PKHD1L1: variants seen among roughly 807,000 people sequenced by gnomAD.
PKHD1L1 encodes the protein fibrocystin-L.
A neutral mutation model predicts 462.9 loss-of-function variants in PKHD1L1; 434 were observed. The ratio of observed to expected loss-of-function variants is 0.94; its 90% CI spans 0.87 to 1.02. The LOEUF (loss-of-function observed/expected upper bound fraction) is 1.02. Among genes scored for constraint, PKHD1L1 ranks in the 50% least tolerant of loss-of-function variants. The pLI is 0.00. For synonymous variants in PKHD1L1, 1,781 were observed against 1,750.0 expected (o/e 1.02, Z -0.44); for missense variants, 5,202 against 5,096.1 (o/e 1.02, Z -0.63).
chr8:109,440,673 G>A (rs1815727909), intron 32 of PKHD1L1, 37 bp from the exon 33 acceptor site: 1 of 1,581,278 alleles, frequency 6.3e-7, no homozygotes, highest in Non-Finnish European at 8.7e-7. Context: ...AAATCAGTAG[G>A]AAGCTCATTG....
chr8:109,471,037 C>T, intron 50 of PKHD1L1: 4 of 1,599,204 alleles, frequency 2.5e-6, no homozygotes, highest in Non-Finnish European at 1.7e-6. Context: ...CAATACAGGC[C>T]ACATTAACAC....
At chr8:109,438,030 C>A (rs1815537073) in intron 30 of PKHD1L1, among the ~76,000 whole-genome samples, 1 of 152,074 alleles carries the variant, frequency 6.6e-6, no homozygotes, top group Admixed American at 6.6e-5. Flanking sequence ...AGAATCACTT[C>A]TCCAGAGCAT....
chr8:109,401,308 A>G (rs1448006934), intron 13 of PKHD1L1, among the ~76,000 whole-genome samples, 189 bp from the exon 14 acceptor site: 5 of 140,948 alleles, frequency 3.5e-5, no homozygotes, highest in Non-Finnish European at 6.4e-5. Flanking sequence ...AATGAAGTGA[A>G]CTTTGATAAT....
chr8:109,449,347 G>A lies in PKHD1L1; in HGVS notation c.6035G>A (p.Gly2012Asp), dbSNP rs1458220072. 2.9e-5 allele frequency: 45 copies of A among 1,572,744 alleles called. No individual in the cohort carries two copies. Among genetic ancestry groups the A allele is most frequent in the Non-Finnish European group, 3.9e-5 (45 of 1,157,778 alleles). ...TATTTGTCTTCACTAGGGAGCTTTG[G>A]TGGGGGTCAAACCATGACTGTGACA... is the stretch of plus-strand genomic sequence containing the variant. The part of the protein sequence containing the change: ...QNINPSQGSF[G>D]GGQTMTVTGT... The change falls in exon 40 of 78, where the codon GGT (glycine) becomes GAT (aspartate). Residue 2012 changes from glycine to aspartate, a missense_variant. Physicochemically the swap from Gly to Asp is moderately conservative, Grantham distance 94. Transcript: ENST00000378402.
intron 61 of PKHD1L1, 68 bp from the exon 62 acceptor site, chr8:109,491,805 C>A: frequency 1.4e-6 from 2 of 1,389,522 alleles, no homozygotes; most frequent in Admixed American, 2.1e-5. Flanking sequence ...GACATTACTC[C>A]TAATAGTCGT....
At chr8:109,515,401 C>G in intron 72 of PKHD1L1, 96 bp downstream of exon 72, 1 of 1,050,480 alleles carries the variant, frequency 9.5e-7, no homozygotes, top group Non-Finnish European at 1.3e-6. Context: ...CCTTATCTAT[C>G]AATGATGGAG....
chr8:109,504,443 G>T lies in PKHD1L1; in HGVS notation c.10945G>T (p.Val3649Phe). The T allele has an allele frequency of 1.9e-6, 3 of 1,558,820 alleles. No individual in the cohort carries two copies. Among genetic ancestry groups the T allele is most frequent in the Non-Finnish European group, 1.7e-6 (2 of 1,144,498 alleles). Residue 3649 changes from valine (V) to phenylalanine (F), a missense_variant, in exon 68 of 78, where the codon GTT becomes TTT. By Grantham distance (50) the Val-to-Phe change is conservative (BLOSUM62 -1). Transcript: ENST00000378402. ...HPIHVKNIKL[V>F]DTTEQSKIFI... is the part of the protein sequence containing the mutation. ...AATCCATGTGAAGAATATAAAACTGGTTGATACCACTGAACAATCAAAAAT... is the reference window on the plus strand; with the variant it reads ...AATCCATGTGAAGAATATAAAACTGTTTGATACCACTGAACAATCAAAAAT...
Position 109,364,656 on chromosome 8 carries a change from T to G in PKHD1L1, c.163+20T>G, listed in dbSNP as rs759680709. 2 of 1,474,336 alleles carry G rather than the reference T, an allele frequency of 1.4e-6. No individual in the cohort carries two copies. The highest frequency in any genetic ancestry group is 1.8e-6 in the Non-Finnish European group (2 of 1,094,096). 91.3% of individuals were successfully genotyped at this position (1,474,336 alleles called of 1,614,324 possible). A position where few individuals can be genotyped will look rare whatever the true frequency, so the allele number is the denominator to read the frequency against. On this transcript the variant is annotated intron_variant, in intron 2 of 77. Coordinates refer to ENST00000378402, the MANE Select transcript of PKHD1L1 (RefSeq NM_177531.6). ...GGGAAGGTATCGTTGCTTTTTTTTT[T>G]TTTTTTTTGCCAAGGTTGAGGTATT...
Position 109,493,671 on chromosome 8 carries a change from G to A in PKHD1L1, c.10247G>A (p.Gly3416Glu), listed in dbSNP as rs377202677. ...LWHAAIEINR[G>E]TNTVLQNNVV... Reference sequence around the variant, plus strand: ...TAATCATTGCACTAGATAAATAGAGGGACCAATACAGTTTTACAGAATAAT... The same window carrying A: ...TAATCATTGCACTAGATAAATAGAGAGACCAATACAGTTTTACAGAATAAT... Residue 3416 changes from glycine (G) to glutamate (E), a missense_variant, in exon 63 of 78, where the codon GGG becomes GAG. Around this residue, in one of 3 missense-constraint regions of PKHD1L1, gnomAD observed 4,497 missense variants for 4,336.8 expected, o/e 1.04. Coordinates refer to ENST00000378402, the MANE Select transcript of PKHD1L1 (RefSeq NM_177531.6). 6.3e-6 allele frequency: 10 copies of A among 1,598,380 alleles called. No individual in the cohort carries two copies. Among genetic ancestry groups the A allele is most frequent in the Middle Eastern group, 3.3e-4 (2 of 6,034 alleles).
chr8:109,435,427 A>G, intron 29 of PKHD1L1, 73 bp downstream of exon 29: 2 of 1,473,304 alleles, frequency 1.4e-6, no homozygotes, highest in Non-Finnish European at 9.1e-7. Flanking sequence ...TTTCTAGTAC[A>G]GGGTGAAGGG....
chr8:109,443,579 A>T, intron 36 of PKHD1L1, 97 bp from the exon 37 acceptor site: 1 of 985,976 alleles, frequency 1.0e-6, no homozygotes. Context: ...ACCAGAATTT[A>T]AACCATCATC....
intron 73 of PKHD1L1, among the ~76,000 whole-genome samples, chr8:109,520,861 C>T (rs1366210220): frequency 6.6e-6 from 1 of 152,156 alleles, no homozygotes; most frequent in East Asian, 1.9e-4. Context: ...AATGCCCTCA[C>T]ATGTCGAACG....
chr8:109,481,659 AC>A, intron 56 of PKHD1L1, 97 bp downstream of exon 56: 4 of 1,115,722 alleles, frequency 3.6e-6, no homozygotes, highest in Non-Finnish European at 4.6e-6. Flanking sequence ...AATGATAAAT[AC>A]TTTATCATAA....
At chr8:109,425,003 A>C (rs750551150) in intron 23 of PKHD1L1, 82 bp from the exon 24 acceptor site, 222 of 1,173,290 alleles carry the variant, frequency 1.9e-4, no homozygotes, top group Non-Finnish European at 2.5e-4. Flanking sequence ...GTCATGTCAC[A>C]GGATTGTACC....
chr8:109,405,423 A>T (rs1813484104), intron 16 of PKHD1L1, among the ~76,000 whole-genome samples: 1 of 152,192 alleles, frequency 6.6e-6, no homozygotes, highest in Non-Finnish European at 1.5e-5. Context: ...TTAAGAAAAT[A>T]GGAATTGTGA....
chr8:109,459,724 G>T lies in PKHD1L1; in HGVS notation c.7134G>T (p.Leu2378=), dbSNP rs1341309713. 4 of 1,612,012 alleles carry T rather than the reference G, an allele frequency of 2.5e-6. No homozygotes were observed. The highest frequency in any genetic ancestry group is 2.5e-6 in the Non-Finnish European group (3 of 1,178,876). Residue 2378 remains leucine, a synonymous_variant, in exon 47 of 78, where the codon CTG becomes CTT. Coordinates refer to ENST00000378402, the MANE Select transcript of PKHD1L1 (RefSeq NM_177531.6). ...CGGTCACACTCCCTGATGGAACTCT[G>T]TTTGAAGCAAGAGCAGAAGTTGGAA... The part of the protein sequence containing the change: ...GITVTLPDGT[L]FEARAEVGIL...
chr8:109,447,888 C>A (rs1816241560), intron 38 of PKHD1L1, among the ~76,000 whole-genome samples: 1 of 152,130 alleles, frequency 6.6e-6, no homozygotes, highest in Non-Finnish European at 1.5e-5. Context: ...TAATAACTTA[C>A]AACTCAGTAG....
At chr8:109,412,019 A>G (rs1813881708) in intron 19 of PKHD1L1, among the ~76,000 whole-genome samples, 1 of 152,176 alleles carries the variant, frequency 6.6e-6, no homozygotes, top group East Asian at 1.9e-4. Flanking sequence ...AAATACCCGT[A>G]AAGAGCTCAC....
intron 45 of PKHD1L1, 77 bp from the exon 46 acceptor site, chr8:109,456,185 A>G: frequency 2.8e-6 from 4 of 1,438,946 alleles, no homozygotes; most frequent in Non-Finnish European, 3.7e-6. Context: ...AATTTAGGAA[A>G]AGATTAAAAT....
Sources: allele counts gnomAD v4.1 joint callset (sites outside exome capture counted in the v4.1 genomes callset), GRCh38; gene constraint gnomAD v4.1.1; regional missense constraint gnomAD v4.1.1; transcripts MANE v1.5; gene names NCBI Gene and HGNC (gene_info 2026-07-23, HGNC 2026-07-21).